CLEC16A: variants seen among roughly 807,000 people sequenced by gnomAD.
CLEC16A encodes the protein C-type lectin domain containing 16A.
In CLEC16A, 51 loss-of-function variants were observed where a neutral mutation model predicts 109.5. The ratio of observed to expected loss-of-function variants is 0.47; its 90% CI spans 0.37 to 0.59. The LOEUF (loss-of-function observed/expected upper bound fraction) is 0.59, where lower values mean the gene tolerates loss of function less well. CLEC16A is among the 20% of genes least tolerant of loss of function. The probability of loss-of-function intolerance (pLI) is 0.00; values close to 1 mark genes in which losing one functional copy is unlikely to be tolerated. For synonymous variants in CLEC16A, 673 were observed against 564.2 expected (o/e 1.19, Z -2.73); for missense variants, 1,339 against 1,394.0 (o/e 0.96, Z 0.63).
At position 11,166,558 on chromosome 16, in the gene CLEC16A, G is replaced by T; in HGVS notation, c.2806+6G>T. 1 of 1,582,548 alleles carries T rather than the reference G, an allele frequency of 6.3e-7. No homozygotes were observed. The highest frequency in any genetic ancestry group is 8.6e-7 in the Non-Finnish European group (1 of 1,164,518). On this transcript the variant is annotated splice_donor_region_variant and intron_variant, in intron 23 of 23. Transcript: ENST00000409790. ...CACAGCCCAGAGTCCAGCAGGTATT[G>T]GCCACGTGACTCAGTGATATGGGGA...
chr16:11,051,312 G>A (rs1016565371), intron 17 of CLEC16A, among the ~76,000 whole-genome samples: 2 of 152,210 alleles, frequency 1.3e-5, no homozygotes, highest in Non-Finnish European at 2.9e-5. Context: ...GGAAAAATCT[G>A]CAATTTAGAA....
At chr16:11,172,254 A>C (rs1422403272) in intron 23 of CLEC16A, among the ~76,000 whole-genome samples, 1 of 152,200 alleles carries the variant, frequency 6.6e-6, no homozygotes, top group Admixed American at 6.5e-5. Context: ...ACACGCATAC[A>C]AATGTATGTA....
chr16:11,152,643 G>C (rs1229972047), intron 22 of CLEC16A, among the ~76,000 whole-genome samples: 2 of 152,180 alleles, frequency 1.3e-5, no homozygotes, highest in Non-Finnish European at 2.9e-5. Context: ...TTTTTAACCA[G>C]GTCCCCTGTA....
intron 19 of CLEC16A, among the ~76,000 whole-genome samples, chr16:11,083,108 G>T (rs1322316084): frequency 3.3e-5 from 5 of 152,032 alleles, no homozygotes; most frequent in Non-Finnish European, 5.9e-5. Context: ...AGCTCACCAT[G>T]TAGGGGGATT....
rs2068964043 is a variant in CLEC16A at position 11,181,750 on chromosome 16, C to G, written c.*3060C>G. On this transcript the variant is annotated 3_prime_UTR_variant, in exon 24 of 24. Coordinates refer to ENST00000409790, the MANE Select transcript of CLEC16A (RefSeq NM_015226.3). ...CTCCCGGAGCCTTGGCAGCCTCCCA[C>G]AACCCAGACACTTGCGTTCACAAGC... is the stretch of plus-strand genomic sequence containing the variant. 1 of 152,606 alleles carries G rather than the reference C, an allele frequency of 6.6e-6. No individual in the cohort carries two copies. Among genetic ancestry groups the G allele is most frequent in the Non-Finnish European group, 1.5e-5 (1 of 68,092 alleles). 9.5% of individuals were successfully genotyped at this position (152,606 alleles called of 1,614,324 possible).
In CLEC16A at chr16:11,125,974, C is replaced by T. The variant is rs140946634; in HGVS notation, c.2474-5C>T. On this transcript the variant is annotated splice_polypyrimidine_tract_variant and splice_region_variant and intron_variant, in intron 21 of 23. Transcript: ENST00000409790. ...AGAGTGAACCATGCTATTGTTTGACCGTAGCCCTCCTGGACCTCCCAATCC... is the reference window on the plus strand; with the variant it reads ...AGAGTGAACCATGCTATTGTTTGACTGTAGCCCTCCTGGACCTCCCAATCC... The T allele has an allele frequency of 3.9e-4, 573 of 1,470,466 alleles. 2 individuals carry two copies. The East Asian group carries it at 0.011, about 29-fold the overall frequency. The allele number at this position is 1,470,466 out of a possible 1,614,324, so 91.1% of individuals were successfully genotyped here.
intron 11 of CLEC16A, among the ~76,000 whole-genome samples, chr16:11,004,274 C>T (rs1413634191): frequency 6.6e-6 from 1 of 152,184 alleles, no homozygotes; most frequent in Admixed American, 6.5e-5. Flanking sequence ...GGGCCAGGCT[C>T]ACAGCCACAC....
intron 19 of CLEC16A, among the ~76,000 whole-genome samples, chr16:11,089,242 G>A (rs1418480904): frequency 6.6e-6 from 1 of 152,206 alleles, no homozygotes; most frequent in African/African-American, 2.4e-5. Context: ...TGGGACCATG[G>A]ACATCTTGTT....
intron 10 of CLEC16A, among the ~76,000 whole-genome samples, chr16:10,994,389 C>T (rs1023821697): frequency 6.6e-6 from 1 of 152,214 alleles, no homozygotes; most frequent in African/African-American, 2.4e-5. Context: ...CATCACCCAT[C>T]TGGTGCTTGC....
At chr16:11,073,460 C>T (rs1265538726) in intron 19 of CLEC16A, among the ~76,000 whole-genome samples, 3 of 152,170 alleles carry the variant, frequency 2.0e-5, no homozygotes, top group Non-Finnish European at 4.4e-5. Flanking sequence ...TCTACCCCAG[C>T]CCATGGCCTT....
chr16:11,087,465 CCTAAA>C (rs1454636677), intron 19 of CLEC16A, among the ~76,000 whole-genome samples: 26 of 152,224 alleles, frequency 1.7e-4, no homozygotes, highest in African/African-American at 6.0e-4. Flanking sequence ...GTGGAACAAA[CCTAAA>C]CTACTACTTG....
At chr16:11,157,031 CAGAG>C (rs1002130069) in intron 22 of CLEC16A, 2 of 1,289,688 alleles carry the variant, frequency 1.6e-6, no homozygotes, top group Non-Finnish European at 2.0e-6. Context: ...AATTAGGACA[CAGAG>C]AGAAAGCAAG....
chr16:10,968,028 G>A (rs772702604), intron 3 of CLEC16A, among the ~76,000 whole-genome samples: 2 of 152,234 alleles, frequency 1.3e-5, no homozygotes, highest in Non-Finnish European at 2.9e-5. Flanking sequence ...TCTGAGTAGC[G>A]AGGCTCCAAA....
intron 22 of CLEC16A, among the ~76,000 whole-genome samples, chr16:11,136,452 T>C (rs1401725288): frequency 1.3e-5 from 2 of 151,664 alleles, no homozygotes; most frequent in African/African-American, 4.9e-5. Flanking sequence ...GGTTAACTGC[T>C]CTTGCCATTT....
At chr16:11,064,022 TA>T (rs2048633006) in intron 19 of CLEC16A, among the ~76,000 whole-genome samples, 1 of 151,720 alleles carries the variant, frequency 6.6e-6, no homozygotes, top group Non-Finnish European at 1.5e-5. Context: ...AGGAACTAGA[TA>T]AAACAGTGGA....
chr16:11,105,073 C>G (rs1567323776), intron 19 of CLEC16A, among the ~76,000 whole-genome samples: 1 of 152,200 alleles, frequency 6.6e-6, no homozygotes, highest in Non-Finnish European at 1.5e-5. Context: ...ATTTGGCTGC[C>G]TCACAGAGTT....
rs112986475 is a variant in CLEC16A at position 11,157,315 on chromosome 16, T to G, written c.2642-9073T>G. On this transcript the variant is annotated intron_variant, in intron 22 of 23. Transcript: ENST00000409790. ...GCCCGGGAGGCCATACGAACATCCC[T>G]TCCCCAGGTGCCTGATGTGTAGACC... is the stretch of plus-strand genomic sequence containing the variant. 3,199 of 978,312 alleles carry G rather than the reference T, an allele frequency of 3.3e-3. 94 individuals are homozygous for G. In the African/African-American group the frequency reaches 0.051, roughly 16 times the overall value. The allele number at this position is 978,312 out of a possible 1,614,324, so 60.6% of individuals were successfully genotyped here. A position where few individuals can be genotyped will look rare whatever the true frequency, so the allele number is the denominator to read the frequency against.
At chr16:11,113,766 A>G (rs944412370) in intron 19 of CLEC16A, among the ~76,000 whole-genome samples, 3 of 152,220 alleles carry the variant, frequency 2.0e-5, no homozygotes, top group African/African-American at 7.2e-5. Flanking sequence ...TGGAAGGCGA[A>G]TTCATTCCAT....
intron 19 of CLEC16A, among the ~76,000 whole-genome samples, chr16:11,112,194 G>C (rs1263273723): frequency 2.0e-5 from 3 of 152,214 alleles, no homozygotes; most frequent in African/African-American, 7.2e-5. Context: ...AGCCCCATGA[G>C]TGCTTGAAAA....
Sources: gnomAD v4.1 joint callset for allele counts (sites outside exome capture counted in the v4.1 genomes callset) on GRCh38, gnomAD v4.1.1 for gene constraint, MANE v1.5 for transcripts, NCBI Gene and HGNC (gene_info 2026-07-23, HGNC 2026-07-21) for gene names.